Variants in MYZAP observed in about 807,000 individuals in gnomAD.
The protein encoded by MYZAP is GRINL1A complex locus upstream.
A neutral mutation model predicts 69.4 loss-of-function variants in MYZAP; 66 were observed. That is an observed-to-expected ratio of 0.95 (90% confidence interval 0.78 to 1.17). MYZAP has a LOEUF of 1.17. Among genes scored for constraint, MYZAP ranks in the 50% most tolerant of loss-of-function variants. The pLI, the probability that MYZAP is intolerant of heterozygous loss-of-function variation, is 0.00. For synonymous variants in MYZAP, 256 were observed against 205.9 expected (o/e 1.24, Z -2.09); for missense variants, 611 against 556.2 (o/e 1.10, Z -0.99).
chr15:57,659,372 G>A (rs578261032), intron 10 of MYZAP, among the ~76,000 whole-genome samples: 1 of 152,142 alleles, frequency 6.6e-6, no homozygotes, highest in African/African-American at 2.4e-5. Flanking sequence ...AGTTTTCTCA[G>A]TAGATAGTGT....
chr15:57,645,999 A>C, intron 10 of MYZAP: 1 of 381,792 alleles, frequency 2.6e-6, no homozygotes, highest in Non-Finnish European at 4.9e-6. Context: ...AACACACGAA[A>C]GTACATTTTA....
intron 1 of MYZAP, among the ~76,000 whole-genome samples, chr15:57,597,069 A>G (rs1013669143): frequency 4.6e-5 from 7 of 152,248 alleles, no homozygotes; most frequent in Admixed American, 1.3e-4. Flanking sequence ...AAACAGGAAG[A>G]GAAGCCTTGG....
intron 10 of MYZAP, among the ~76,000 whole-genome samples, chr15:57,659,479 A>T (rs1440398771): frequency 1.3e-5 from 2 of 152,162 alleles, no homozygotes; most frequent in Non-Finnish European, 2.9e-5. Flanking sequence ...CTTTGATTTC[A>T]CACTTGTATT....
chr15:57,664,031 T>C (rs66728955), intron 11 of MYZAP, among the ~76,000 whole-genome samples: 10,224 of 151,726 alleles, frequency 0.067, 639 homozygotes, highest in African/African-American at 0.16. Context: ...ATACTAAATA[T>C]CATGGGTTTT....
chr15:57,632,492 A>T lies in MYZAP; in HGVS notation c.737A>T (p.Tyr246Phe). 6.2e-7 allele frequency: 1 copy of T among 1,614,244 alleles called. No homozygotes were observed. The highest frequency in any genetic ancestry group is 8.5e-7 in the Non-Finnish European group (1 of 1,180,040). ...ATGCGAGAGATGACCAAGAAGCTGT[A>T]CAGCCAGTATGAGGAGAAGCTGCAG... is the stretch of plus-strand genomic sequence containing the variant. ...EVMREMTKKLYSQYEEKLQEE... is the reference protein window; with the variant it reads ...EVMREMTKKLFSQYEEKLQEE... The change falls in exon 7 of 13, where the codon TAC becomes TTC. Residue 246 changes from tyrosine (Y) to phenylalanine (F), a missense_variant. Coordinates refer to ENST00000267853, the MANE Select transcript of MYZAP (RefSeq NM_001018100.5).
intron 1 of MYZAP, among the ~76,000 whole-genome samples, chr15:57,595,734 G>A (rs1171898513): frequency 6.6e-6 from 1 of 152,156 alleles, no homozygotes; most frequent in African/African-American, 2.4e-5. Flanking sequence ...TGGTGTTGCT[G>A]CTATCGTGAC....
At chr15:57,612,751 A>C (rs539547858) in intron 2 of MYZAP, among the ~76,000 whole-genome samples, 79 of 152,264 alleles carry the variant, frequency 5.2e-4, no homozygotes, top group African/African-American at 1.8e-3. Context: ...TGGCTGCCAG[A>C]TGTATCTTTA....
chr15:57,633,556 C>A, intron 7 of MYZAP, 57 bp from the exon 8 acceptor site: 1 of 1,550,392 alleles, frequency 6.4e-7, no homozygotes, highest in Non-Finnish European at 8.7e-7. Flanking sequence ...GATTGGATCC[C>A]GGTGAGTAGC....
Position 57,652,990 on chromosome 15 carries a change from T to C in MYZAP, c.1120-8460T>C, listed in dbSNP as rs1005973418. Among the ~76,000 whole-genome samples the C allele has an allele frequency of 2.0e-5, 3 of 152,212 alleles. No individual in the cohort carries two copies. The South Asian group carries it at 6.2e-4, about 32-fold the overall frequency. On this transcript the variant is annotated intron_variant, in intron 10 of 12. Transcript: ENST00000267853. Reference sequence around the variant, plus strand: ...GATTAGATGCTTTGATTGGCAGTTATACATCTTTGATAACATTTTCAATGT... The same window carrying C: ...GATTAGATGCTTTGATTGGCAGTTACACATCTTTGATAACATTTTCAATGT...
intron 11 of MYZAP, among the ~76,000 whole-genome samples, chr15:57,669,717 A>T (rs2038778952): frequency 6.6e-6 from 1 of 152,002 alleles, no homozygotes; most frequent in Admixed American, 6.6e-5. Flanking sequence ...TAGCTTCTTG[A>T]GGTAGAACTT....
At chr15:57,644,545 A>G (rs2037340875) in intron 10 of MYZAP, among the ~76,000 whole-genome samples, 1 of 152,138 alleles carries the variant, frequency 6.6e-6, no homozygotes, top group Non-Finnish European at 1.5e-5. Flanking sequence ...TCCTGGGCTC[A>G]AGTGATCCTC....
chr15:57,684,128 A>T (rs998661654), intron 12 of MYZAP, among the ~76,000 whole-genome samples: 3 of 69,234 alleles, frequency 4.3e-5, no homozygotes, highest in Non-Finnish European at 1.3e-4. Flanking sequence ...AATCCCATTC[A>T]TGAGGGCTCC....
At chr15:57,674,839 T>A in intron 11 of MYZAP, 129 bp from the exon 12 acceptor site, 1 of 732,188 alleles carries the variant, frequency 1.4e-6, no homozygotes, top group Non-Finnish European at 2.2e-6. Context: ...TAAGTGATGC[T>A]CTGTAAATAC....
rs753330873 is a variant in MYZAP at position 57,632,470 on chromosome 15, C to T, written c.715C>T (p.Arg239Ter). The T allele has an allele frequency of 5.0e-6, 8 of 1,613,962 alleles. No homozygotes were observed. The Admixed American group carries it at 5.0e-5, about 10-fold the overall frequency. ...CCAAGAAGCCAATGCTGAGGTGATG[C>T]GAGAGATGACCAAGAAGCTGTACAG... ...SSQEANAEVM[R>*]EMTKKLYSQY... Residue 239 changes from arginine to a stop codon, truncating the protein, a stop_gained, in exon 7 of 13, where the codon CGA becomes TGA. Transcript: ENST00000267853. LOFTEE classifies it high-confidence loss of function.
intron 12 of MYZAP, among the ~76,000 whole-genome samples, chr15:57,678,828 C>T (rs2039276454): frequency 6.6e-6 from 1 of 151,842 alleles, no homozygotes; most frequent in African/African-American, 2.4e-5. Context: ...TGTGCTACTG[C>T]TAATAGCATT....
chr15:57,662,053 G>A (rs2038338577), intron 11 of MYZAP, among the ~76,000 whole-genome samples: 1 of 152,216 alleles, frequency 6.6e-6, no homozygotes, highest in African/African-American at 2.4e-5. Flanking sequence ...CACAGCGAGT[G>A]AAGATGTGTT....
chr15:57,599,494 G>C, intron 1 of MYZAP: 1 of 1,201,480 alleles, frequency 8.3e-7, no homozygotes, highest in East Asian at 5.8e-5. Flanking sequence ...TTGCCCCCAG[G>C]GACAGCTGGT....
At chr15:57,661,409 G>T (rs370481683) in intron 10 of MYZAP, 41 bp from the exon 11 acceptor site, 1 of 1,460,372 alleles carries the variant, frequency 6.8e-7, no homozygotes, top group Non-Finnish European at 9.5e-7. Flanking sequence ...TTACACAATT[G>T]TACATTTTTG....
At chr15:57,633,547 A>G in intron 7 of MYZAP, 66 bp from the exon 8 acceptor site, 2 of 1,542,540 alleles carry the variant, frequency 1.3e-6, no homozygotes, top group Non-Finnish European at 1.7e-6. Context: ...GCCTGAGCTG[A>G]TTGGATCCCG....
Sources: gnomAD v4.1 joint callset for allele counts (sites outside exome capture counted in the v4.1 genomes callset) on GRCh38, gnomAD v4.1.1 for gene constraint, MANE v1.5 for transcripts, NCBI Gene and HGNC (gene_info 2026-07-23, HGNC 2026-07-21) for gene names.